Variants in CTNNA3 observed in about 807,000 individuals in gnomAD.
The protein encoded by CTNNA3 is catenin alpha 3.
A neutral mutation model predicts 95.7 loss-of-function variants in CTNNA3; 76 were observed. The observed-to-expected ratio is 0.79, with a 90% CI of 0.66 to 0.96. The LOEUF is 0.96. Among genes scored for constraint, CTNNA3 ranks in the 40% least tolerant of loss-of-function variants. The pLI is 0.00. For synonymous variants in CTNNA3, 431 were observed against 374.4 expected (o/e 1.15, Z -1.74); for missense variants, 1,191 against 1,089.8 (o/e 1.09, Z -1.31).
intron 2 of CTNNA3, among the ~76,000 whole-genome samples, chr10:67,619,904 T>C (rs956063503): frequency 2.0e-5 from 3 of 151,944 alleles, no homozygotes; most frequent in Non-Finnish European, 2.9e-5. Context: ...TACATAACAA[T>C]GTAAATGGGT....
At chr10:66,956,753 T>G (rs1477520592) in intron 7 of CTNNA3, among the ~76,000 whole-genome samples, 1 of 152,212 alleles carries the variant, frequency 6.6e-6, no homozygotes, top group African/African-American at 2.4e-5. Flanking sequence ...CTTAACTGAT[T>G]TCAACTGAAT....
At chr10:67,069,055 A>AT (rs1039238219) in intron 7 of CTNNA3, among the ~76,000 whole-genome samples, 15 of 131,788 alleles carry the variant, frequency 1.1e-4, no homozygotes, top group South Asian at 2.3e-4. Flanking sequence ...CAGGAAAAAA[A>AT]ATATATATAT....
At chr10:66,403,259 G>T (rs2456748) in intron 11 of CTNNA3, among the ~76,000 whole-genome samples, 33,163 of 151,984 alleles carry the variant, frequency 0.22, 4,769 homozygotes, top group African/African-American at 0.42. Context: ...ACCCTGCAAT[G>T]AAAGCCTTTC....
chr10:66,229,054 G>T (rs929086254), intron 13 of CTNNA3, among the ~76,000 whole-genome samples: 4 of 152,094 alleles, frequency 2.6e-5, no homozygotes, highest in African/African-American at 9.7e-5. Context: ...CTTGTATGCA[G>T]CATATAGTTA....
At chr10:67,177,370 C>T (rs566968701) in intron 7 of CTNNA3, among the ~76,000 whole-genome samples, 5 of 152,148 alleles carry the variant, frequency 3.3e-5, no homozygotes, top group African/African-American at 7.2e-5. Flanking sequence ...TTTCTCATTG[C>T]GGAACTGCTC....
chr10:67,160,195 T>C (rs1297273283), intron 7 of CTNNA3, among the ~76,000 whole-genome samples: 2 of 152,054 alleles, frequency 1.3e-5, no homozygotes, highest in African/African-American at 4.8e-5. Flanking sequence ...AGGAAAGCTA[T>C]TATCAATAAA....
intron 1 of CTNNA3, among the ~76,000 whole-genome samples, chr10:67,722,631 T>G (rs941109249): frequency 3.3e-5 from 5 of 152,184 alleles, no homozygotes; most frequent in African/African-American, 4.8e-5. Context: ...CATATAATTA[T>G]GTATCAGAAG....
In CTNNA3 at chr10:66,010,050, T is replaced by A. The variant is rs1589245288; in HGVS notation, c.2160-21253A>T. On this transcript the variant is annotated intron_variant, in intron 15 of 17. Coordinates refer to ENST00000433211, the MANE Select transcript of CTNNA3 (RefSeq NM_013266.4). ...AGAAAAGATGGAAGGAAGAAAAAGG[T>A]ATTCATTTTTTTGAAGGTTCAAAAT... 4.6e-5 allele frequency among the ~76,000 whole-genome samples: 7 copies of A among 152,336 alleles called. 1 individual carries two copies. The highest frequency in any genetic ancestry group is 2.4e-5 in the African/African-American group (1 of 41,574).
chr10:67,478,218 T>C (rs1848091009), intron 5 of CTNNA3, among the ~76,000 whole-genome samples: 1 of 152,176 alleles, frequency 6.6e-6, no homozygotes, highest in Non-Finnish European at 1.5e-5. Context: ...ATTATCAAAA[T>C]TTCTGTGAGA....
At position 66,520,693 on chromosome 10, in the gene CTNNA3, T is replaced by C. The variant is rs573782659; in HGVS notation, c.1455A>G (p.Thr485=). ...VKNTMEMYKR[T]WENHIHVLTE... Reference sequence around the variant, plus strand: ...TGAGGACATGTATATGATTCTCCCATGTACGCTTGTACATTTCCATGGTGT... The same window carrying C: ...TGAGGACATGTATATGATTCTCCCACGTACGCTTGTACATTTCCATGGTGT... The change falls in exon 11 of 18, where the codon ACA becomes ACG. Residue 485 remains threonine, a synonymous_variant. Transcript: ENST00000433211. 3.0e-5 allele frequency: 49 copies of C among 1,612,456 alleles called. No homozygotes were observed. The highest frequency in any genetic ancestry group is 3.0e-4 in the Admixed American group (18 of 59,768).
intron 15 of CTNNA3, among the ~76,000 whole-genome samples, chr10:66,048,748 G>A (rs574259118): frequency 9.2e-5 from 14 of 152,064 alleles, no homozygotes; most frequent in African/African-American, 2.2e-4. Context: ...GCGGCAGAGC[G>A]AGACTCCATC....
chr10:67,599,765 T>C (rs1484209824), intron 3 of CTNNA3, among the ~76,000 whole-genome samples: 1 of 152,192 alleles, frequency 6.6e-6, no homozygotes, highest in Non-Finnish European at 1.5e-5. Flanking sequence ...ACCATGTTTT[T>C]AATCAGAAGA....
chr10:66,348,967 C>T (rs900581974), intron 12 of CTNNA3, among the ~76,000 whole-genome samples: 1 of 151,984 alleles, frequency 6.6e-6, no homozygotes, highest in Non-Finnish European at 1.5e-5. Context: ...GTCAGGTAGT[C>T]CTTTAAGGTG....
intron 5 of CTNNA3, among the ~76,000 whole-genome samples, chr10:67,348,628 AC>A (rs1842525278): frequency 6.6e-6 from 1 of 152,102 alleles, no homozygotes; most frequent in Admixed American, 6.6e-5. Context: ...GGTGCCCGGC[AC>A]TTTTAAACAA....
chr10:66,741,744 A>G (rs1849332762), intron 9 of CTNNA3, among the ~76,000 whole-genome samples: 1 of 152,168 alleles, frequency 6.6e-6, no homozygotes, highest in African/African-American at 2.4e-5. Flanking sequence ...AGTTCCCCAA[A>G]TTAACACTTT....
intron 1 of CTNNA3, among the ~76,000 whole-genome samples, chr10:67,717,940 C>T (rs1399219309): frequency 1.3e-5 from 2 of 152,150 alleles, no homozygotes; most frequent in East Asian, 3.8e-4. Context: ...TTCATTCTTC[C>T]AACCCACGAG....
intron 15 of CTNNA3, among the ~76,000 whole-genome samples, chr10:66,043,231 G>A (rs530214825): frequency 6.7e-6 from 1 of 150,194 alleles, no homozygotes; most frequent in African/African-American, 2.4e-5. Context: ...AAAAGGACAT[G>A]TGGGGGAAAA....
At chr10:66,370,520 C>T (rs2092745907) in intron 12 of CTNNA3, among the ~76,000 whole-genome samples, 2 of 152,128 alleles carry the variant, frequency 1.3e-5, no homozygotes, top group South Asian at 2.1e-4. Flanking sequence ...CTATCTAGAA[C>T]AGAGCTCCTA....
chr10:66,298,352 T>C (rs78897789), intron 12 of CTNNA3, among the ~76,000 whole-genome samples: 3,009 of 152,150 alleles, frequency 0.02, 107 homozygotes, highest in African/African-American at 0.068. Flanking sequence ...GAAACTAAAC[T>C]TATTAGAAGA....
Sources: gnomAD v4.1 joint callset for allele counts (sites outside exome capture counted in the v4.1 genomes callset) on GRCh38, gnomAD v4.1.1 for gene constraint, MANE v1.5 for transcripts, NCBI Gene and HGNC (gene_info 2026-07-23, HGNC 2026-07-21) for gene names.